The following LRP1B variants were observed in gnomAD, a reference collection of about 807,000 sequenced individuals.
LRP1B encodes LDL receptor related protein 1B.
In LRP1B, 217 loss-of-function variants were observed where a neutral mutation model predicts 556.6. The ratio of observed to expected loss-of-function variants is 0.39; its 90% CI spans 0.35 to 0.44. The LOEUF (loss-of-function observed/expected upper bound fraction) is 0.44. Among genes scored for constraint, LRP1B ranks in the 20% least tolerant of loss-of-function variants. The probability of loss-of-function intolerance (pLI) is 1.00; values close to 1 mark genes in which losing one functional copy is unlikely to be tolerated. For missense variants in LRP1B, 5,053 were observed against 5,620.8 expected, an observed-to-expected ratio of 0.90 and a Z score of 3.23; for synonymous variants, 2,047 against 1,865.8, an observed-to-expected ratio of 1.10 and a Z score of -2.50.
intron 3 of LRP1B, among the ~76,000 whole-genome samples, chr2:141,383,153 A>T (rs962545301): frequency 3.3e-5 from 5 of 152,230 alleles, no homozygotes; most frequent in Admixed American, 3.3e-4. Flanking sequence ...AGAAATGTGA[A>T]TCAAAACCAC....
intron 18 of LRP1B, among the ~76,000 whole-genome samples, chr2:140,978,756 G>A (rs1256272948): frequency 6.6e-6 from 1 of 152,138 alleles, no homozygotes; most frequent in East Asian, 1.9e-4. Flanking sequence ...CAATCTGAAA[G>A]GTAAATGTGT....
At position 140,481,866 on chromosome 2, in the gene LRP1B, G is replaced by A. The variant is rs541174744; in HGVS notation, c.9425+3477C>T. ...TGTTTAATTTGTTCCAACTGTATAAGTTCCTTGTAATTTGTTGGATGTGCC... is the reference window on the plus strand; with the variant it reads ...TGTTTAATTTGTTCCAACTGTATAAATTCCTTGTAATTTGTTGGATGTGCC... On this transcript the variant is annotated intron_variant, in intron 59 of 90. Coordinates refer to ENST00000389484, the MANE Select transcript of LRP1B (RefSeq NM_018557.3). Among the ~76,000 whole-genome samples the A allele has an allele frequency of 3.9e-3, 596 of 152,114 alleles. 6 individuals are homozygous for A. Among genetic ancestry groups the A allele is most frequent in the African/African-American group, 0.013 (555 of 41,478 alleles).
intron 66 of LRP1B, among the ~76,000 whole-genome samples, chr2:140,423,760 T>C (rs1437144833): frequency 6.6e-6 from 1 of 152,102 alleles, no homozygotes; most frequent in Non-Finnish European, 1.5e-5. Context: ...ATATTCCTAG[T>C]ATGTACCTAC....
chr2:141,424,313 A>G (rs992376254), intron 3 of LRP1B, among the ~76,000 whole-genome samples: 5 of 152,046 alleles, frequency 3.3e-5, no homozygotes, highest in Non-Finnish European at 7.4e-5. Flanking sequence ...GGGTTTCTCT[A>G]TGTTGGTCAG....
At chr2:142,029,541 A>G (rs115796394) in intron 1 of LRP1B, among the ~76,000 whole-genome samples, 4,893 of 151,928 alleles carry the variant, frequency 0.032, 87 homozygotes, top group Non-Finnish European at 0.04. Flanking sequence ...ACATGCTTGT[A>G]TTTAGAAAGG....
At chr2:140,481,897 C>G (rs552358638) in intron 59 of LRP1B, among the ~76,000 whole-genome samples, 158 of 152,220 alleles carry the variant, frequency 1.0e-3, no homozygotes, top group Non-Finnish European at 1.8e-3. Context: ...GTGCCACACT[C>G]TTCTGTGTGT....
intron 32 of LRP1B, among the ~76,000 whole-genome samples, chr2:140,781,570 C>T (rs1228134272): frequency 6.6e-6 from 1 of 152,104 alleles, no homozygotes; most frequent in Non-Finnish European, 1.5e-5. Flanking sequence ...GTAGTAAGGT[C>T]TCTGCCATTA....
intron 7 of LRP1B, among the ~76,000 whole-genome samples, chr2:141,105,901 G>A (rs1021938421): frequency 1.4e-4 from 22 of 151,914 alleles, no homozygotes; most frequent in African/African-American, 4.6e-4. Flanking sequence ...TCTCCAGAGG[G>A]ACCACAATCA....
intron 60 of LRP1B, among the ~76,000 whole-genome samples, chr2:140,459,632 C>G (rs528753715): frequency 6.6e-6 from 1 of 152,110 alleles, no homozygotes; most frequent in Non-Finnish European, 1.5e-5. Context: ...ACTAGGCCAG[C>G]GGGAGAGGCA....
intron 3 of LRP1B, among the ~76,000 whole-genome samples, chr2:141,411,176 C>A (rs1412612532): frequency 1.3e-5 from 2 of 152,016 alleles, no homozygotes; most frequent in Non-Finnish European, 2.9e-5. Flanking sequence ...CATATTTAAT[C>A]CTCATAGTTC....
chr2:141,492,902 A>C (rs1683385573), intron 2 of LRP1B, among the ~76,000 whole-genome samples: 1 of 152,150 alleles, frequency 6.6e-6, no homozygotes, highest in Admixed American at 6.6e-5. Context: ...TTCTTATGGC[A>C]TTCGAAATGA....
intron 3 of LRP1B, among the ~76,000 whole-genome samples, chr2:141,414,351 G>C (rs1309917126): frequency 7.2e-6 from 1 of 138,014 alleles, no homozygotes; most frequent in Non-Finnish European, 1.6e-5. Context: ...GAGAGAGGAA[G>C]GGAGGGAGGA....
chr2:141,967,045 T>A (rs1701585128), intron 1 of LRP1B, among the ~76,000 whole-genome samples: 1 of 151,914 alleles, frequency 6.6e-6, no homozygotes, highest in Non-Finnish European at 1.5e-5. Context: ...AAGATGACTA[T>A]CTCCTTTCCC....
chr2:141,213,639 A>G (rs898446633), intron 6 of LRP1B, among the ~76,000 whole-genome samples: 1 of 152,178 alleles, frequency 6.6e-6, no homozygotes. Context: ...TCAACACTAT[A>G]ATGAAACATT....
intron 86 of LRP1B, among the ~76,000 whole-genome samples, chr2:140,249,841 A>G (rs1172441614): frequency 6.6e-6 from 1 of 151,902 alleles, no homozygotes; most frequent in Non-Finnish European, 1.5e-5. Context: ...ATAGCAATGC[A>G]TAAATCTTCA....
intron 1 of LRP1B, among the ~76,000 whole-genome samples, chr2:142,121,550 T>C (rs763477029): frequency 3.3e-5 from 5 of 152,168 alleles, no homozygotes; most frequent in African/African-American, 4.8e-5. Flanking sequence ...TCTAGATGAC[T>C]CAGAGCTTGT....
chr2:140,530,401 C>A (rs998605152), intron 47 of LRP1B, among the ~76,000 whole-genome samples: 17 of 152,032 alleles, frequency 1.1e-4, no homozygotes, highest in African/African-American at 4.1e-4. Context: ...CCTTTATCAT[C>A]TTTTTGTACT....
chr2:141,212,150 A>G (rs1682581858), intron 6 of LRP1B, among the ~76,000 whole-genome samples: 2 of 151,538 alleles, frequency 1.3e-5, no homozygotes, highest in South Asian at 4.2e-4. Context: ...AGAATTCTTC[A>G]CAGAGTTTCT....
intron 1 of LRP1B, among the ~76,000 whole-genome samples, chr2:141,864,878 T>C (rs1698356794): frequency 1.4e-5 from 2 of 139,398 alleles, no homozygotes; most frequent in Admixed American, 1.5e-4. Context: ...TGAGACTCTG[T>C]CTCAAAAAAC....
Sources: allele counts gnomAD v4.1 joint callset (sites outside exome capture counted in the v4.1 genomes callset), GRCh38; gene constraint gnomAD v4.1.1; transcripts MANE v1.5; gene names NCBI Gene and HGNC (gene_info 2026-07-23, HGNC 2026-07-21).